Variants in SNX29 observed in about 807,000 individuals in gnomAD.
The protein encoded by SNX29 is sorting nexin 29.
A neutral mutation model predicts 102.1 loss-of-function variants in SNX29; 78 were observed. The ratio of observed to expected loss-of-function variants is 0.76; its 90% confidence interval spans 0.64 to 0.92. The LOEUF is 0.92. Among genes scored for constraint, SNX29 ranks in the 40% least tolerant of loss-of-function variants. The pLI, the probability that SNX29 is intolerant of heterozygous loss-of-function variation, is 0.00. For synonymous variants in SNX29, 580 were observed against 414.5 expected (o/e 1.40, Z -4.85); for missense variants, 1,280 against 1,061.7 (o/e 1.21, Z -2.86).
At chr16:12,239,029 C>G (rs1306194455) in intron 14 of SNX29, among the ~76,000 whole-genome samples, 1 of 152,210 alleles carries the variant, frequency 6.6e-6, no homozygotes, top group Non-Finnish European at 1.5e-5. Context: ...TCTCAGGAGT[C>G]TCATCTCACA....
chr16:12,122,067 C>T (rs972149236), intron 11 of SNX29, among the ~76,000 whole-genome samples: 2 of 152,208 alleles, frequency 1.3e-5, no homozygotes, highest in Admixed American at 6.5e-5. Flanking sequence ...CTGCCTGCCT[C>T]AGCCTCCCAA....
intron 15 of SNX29, among the ~76,000 whole-genome samples, chr16:12,310,004 A>G (rs2080475729): frequency 6.6e-6 from 1 of 151,758 alleles, no homozygotes; most frequent in South Asian, 2.1e-4. Flanking sequence ...ATAAACACAG[A>G]CGTGTGCACG....
intron 1 of SNX29, among the ~76,000 whole-genome samples, chr16:11,997,731 A>G (rs2056137293): frequency 2.6e-5 from 4 of 152,086 alleles, no homozygotes; most frequent in African/African-American, 9.7e-5. Context: ...TTCCTGCCTC[A>G]GCCTTCCAAA....
chr16:12,346,952 C>T (rs2081830669), intron 15 of SNX29, among the ~76,000 whole-genome samples: 1 of 152,130 alleles, frequency 6.6e-6, no homozygotes, highest in South Asian at 2.1e-4. Context: ...CCTGGCAGCC[C>T]CGTGGCCAAG....
intron 18 of SNX29, among the ~76,000 whole-genome samples, chr16:12,467,464 T>A (rs545230726): frequency 6.6e-6 from 1 of 152,300 alleles, no homozygotes. Context: ...ATCAGGCACA[T>A]GCACAGACAC....
intron 14 of SNX29, among the ~76,000 whole-genome samples, chr16:12,228,789 C>T (rs956043764): frequency 2.6e-5 from 4 of 152,230 alleles, no homozygotes; most frequent in East Asian, 1.9e-4. Context: ...AGTTTTCCCA[C>T]TGTCCACGTG....
intron 11 of SNX29, among the ~76,000 whole-genome samples, chr16:12,084,231 C>T (rs746184482): frequency 1.3e-5 from 2 of 151,890 alleles, no homozygotes; most frequent in African/African-American, 2.4e-5. Flanking sequence ...CTGAAACCTC[C>T]GCCTCCCGGA....
chr16:12,021,459 T>G (rs980183782), intron 3 of SNX29, among the ~76,000 whole-genome samples: 1 of 152,010 alleles, frequency 6.6e-6, no homozygotes, highest in Non-Finnish European at 1.5e-5. Context: ...GGTCTTTCTG[T>G]CACAAGGTTA....
chr16:12,481,783 C>T (rs112804469), intron 19 of SNX29, among the ~76,000 whole-genome samples: 218 of 152,348 alleles, frequency 1.4e-3, no homozygotes, highest in African/African-American at 5.0e-3. Flanking sequence ...GATCCTCCCA[C>T]CTCGGCCTCA....
intron 20 of SNX29, among the ~76,000 whole-genome samples, chr16:12,564,321 TCTTAC>T (rs1301460471): frequency 1.3e-5 from 2 of 152,362 alleles, no homozygotes; most frequent in African/African-American, 4.8e-5. Context: ...CACTAGTGTC[TCTTAC>T]CTTATTTCAG....
At chr16:12,370,350 A>G (rs988085614) in intron 16 of SNX29, among the ~76,000 whole-genome samples, 1 of 152,146 alleles carries the variant, frequency 6.6e-6, no homozygotes, top group Non-Finnish European at 1.5e-5. Flanking sequence ...ACCTGAGGTC[A>G]GGAGTTCGAG....
At chr16:12,541,921 C>A (rs1014473300) in intron 20 of SNX29, among the ~76,000 whole-genome samples, 4 of 152,158 alleles carry the variant, frequency 2.6e-5, no homozygotes, top group Admixed American at 2.0e-4. Context: ...CACTGATTGC[C>A]CACGGTACAT....
At chr16:12,217,013 G>A (rs950646504) in intron 14 of SNX29, among the ~76,000 whole-genome samples, 1 of 152,112 alleles carries the variant, frequency 6.6e-6, no homozygotes, top group Admixed American at 6.5e-5. Context: ...TGGGTATTAG[G>A]GGACACCTGC....
intron 15 of SNX29, 38 bp downstream of exon 15, chr16:12,278,074 G>A (rs1344985416): frequency 1.3e-6 from 2 of 1,538,386 alleles, no homozygotes; most frequent in Non-Finnish European, 1.8e-6. Context: ...TGTTTCTGAT[G>A]TTGGCTGCGT....
At chr16:12,354,542 C>T (rs1009140517) in intron 15 of SNX29, among the ~76,000 whole-genome samples, 3 of 152,180 alleles carry the variant, frequency 2.0e-5, no homozygotes, top group Non-Finnish European at 2.9e-5. Context: ...AACACAAAAC[C>T]CTGCTTGGCT....
intron 11 of SNX29, among the ~76,000 whole-genome samples, chr16:12,092,728 CT>C (rs2052609342): frequency 6.6e-6 from 1 of 152,220 alleles, no homozygotes; most frequent in Non-Finnish European, 1.5e-5. Flanking sequence ...TATCCACATT[CT>C]CATTTGCGGT....
At chr16:12,217,262 C>T (rs567027985) in intron 14 of SNX29, among the ~76,000 whole-genome samples, 6 of 152,308 alleles carry the variant, frequency 3.9e-5, no homozygotes, top group Admixed American at 2.0e-4. Context: ...TTGAGCAGTC[C>T]TCCTGCCTTG....
intron 16 of SNX29, among the ~76,000 whole-genome samples, chr16:12,384,610 G>C (rs1256862921): frequency 6.6e-6 from 1 of 152,114 alleles, no homozygotes; most frequent in African/African-American, 2.4e-5. Flanking sequence ...GATATAGTCT[G>C]TTTATTAATT....
chr16:12,424,772 A>T (rs114932178), intron 18 of SNX29, among the ~76,000 whole-genome samples: 1 of 152,046 alleles, frequency 6.6e-6, no homozygotes, highest in Non-Finnish European at 1.5e-5. Context: ...CCCTCTCTAT[A>T]CCTTCCTTCC....
Sources: allele counts gnomAD v4.1 joint callset (sites outside exome capture counted in the v4.1 genomes callset), GRCh38; gene constraint gnomAD v4.1.1; transcripts MANE v1.5; gene names NCBI Gene and HGNC (gene_info 2026-07-23, HGNC 2026-07-21).